The following DCDC1 variants were observed in gnomAD, a reference collection of about 807,000 sequenced individuals.
DCDC1 encodes the protein doublecortin domain-containing protein 1.
DCDC1 carries 200 observed loss-of-function variants against 178.3 expected under a neutral mutation model. The ratio of observed to expected loss-of-function variants is 1.12; its 90% CI spans 1.00 to 1.26. DCDC1 has a LOEUF of 1.26. Among genes scored for constraint, DCDC1 ranks in the 50% most tolerant of loss-of-function variants. The pLI is 0.00. For synonymous variants in DCDC1, 690 were observed against 604.8 expected, an observed-to-expected ratio of 1.14 and a Z score of -2.07; for missense variants, 1,983 against 1,749.2, an observed-to-expected ratio of 1.13 and a Z score of -2.38.
intron 3 of DCDC1, among the ~76,000 whole-genome samples, chr11:31,321,979 CA>C (rs1949388803): frequency 6.6e-6 from 1 of 152,180 alleles, no homozygotes; most frequent in Non-Finnish European, 1.5e-5. Flanking sequence ...TTTAGGATGA[CA>C]AGACACCTAA....
In DCDC1 at chr11:30,881,480, A is replaced by G. The variant is rs1036884052; in HGVS notation, c.5083-172T>C. Among the ~76,000 whole-genome samples the G allele has an allele frequency of 2.6e-5, 4 of 152,334 alleles. No individual in the cohort carries two copies. In the South Asian group the frequency reaches 8.3e-4, roughly 32 times the overall value. Reference sequence around the variant, plus strand: ...GAAGAAGGGCATGCAAATGTTCCCTAAAGTGCTTAAACAGTGAGGAGCTTC... The same window carrying G: ...GAAGAAGGGCATGCAAATGTTCCCTGAAGTGCTTAAACAGTGAGGAGCTTC... On this transcript the variant is annotated intron_variant, in intron 36 of 38. Coordinates refer to ENST00000684477, the MANE Select transcript of DCDC1 (RefSeq NM_001387274.1).
At chr11:31,331,974 C>T (rs990418230) in intron 2 of DCDC1, among the ~76,000 whole-genome samples, 10 of 152,066 alleles carry the variant, frequency 6.6e-5, no homozygotes, top group African/African-American at 2.2e-4. Context: ...CTCCTTGTAC[C>T]TCTGGTAGAA....
chr11:30,959,238 A>T (rs772723553), intron 20 of DCDC1, among the ~76,000 whole-genome samples: 12 of 152,040 alleles, frequency 7.9e-5, no homozygotes, highest in Non-Finnish European at 1.3e-4. Context: ...CTATAACCCC[A>T]ACCCCTTGAG....
intron 8 of DCDC1, among the ~76,000 whole-genome samples, chr11:31,246,467 CT>C (rs1424409356): frequency 0.01 from 1,452 of 142,566 alleles, 14 homozygotes; most frequent in African/African-American, 0.026. Context: ...ATTCAATTGG[CT>C]TTTTTTTTTT....
chr11:31,166,006 A>C (rs1440243972), intron 9 of DCDC1, among the ~76,000 whole-genome samples: 1 of 152,198 alleles, frequency 6.6e-6, no homozygotes, highest in Non-Finnish European at 1.5e-5. Flanking sequence ...AGCAGCCATA[A>C]ATGCAGTTCC....
At chr11:31,189,824 T>C (rs564540490) in intron 9 of DCDC1, among the ~76,000 whole-genome samples, 135 of 152,334 alleles carry the variant, frequency 8.9e-4, no homozygotes, top group Non-Finnish European at 1.6e-3. Flanking sequence ...AGCCTCCTCA[T>C]TTCAAGACCC....
intron 20 of DCDC1, among the ~76,000 whole-genome samples, chr11:30,969,739 T>C (rs1949675161): frequency 6.6e-6 from 1 of 152,238 alleles, no homozygotes; most frequent in African/African-American, 2.4e-5. Flanking sequence ...TTTTTGGAGT[T>C]CATTTTCATT....
At chr11:30,888,447 G>A (rs1420649023) in intron 36 of DCDC1, among the ~76,000 whole-genome samples, 2 of 152,226 alleles carry the variant, frequency 1.3e-5, no homozygotes, top group Non-Finnish European at 2.9e-5. Context: ...GCTGGGCACG[G>A]TGGCTCACGC....
intron 9 of DCDC1, among the ~76,000 whole-genome samples, chr11:31,151,619 CT>C (rs531891544): frequency 8.0e-4 from 122 of 152,242 alleles, no homozygotes; most frequent in African/African-American, 2.9e-3. Flanking sequence ...CTCAGAGGTG[CT>C]GTTAACAGTT....
intron 8 of DCDC1, among the ~76,000 whole-genome samples, chr11:31,257,071 T>C (rs1357275027): frequency 6.6e-6 from 1 of 152,216 alleles, no homozygotes; most frequent in East Asian, 1.9e-4. Flanking sequence ...GCTGCTTTTC[T>C]GTATCTTGAA....
At chr11:31,264,729 T>C (rs1945025677) in intron 8 of DCDC1, among the ~76,000 whole-genome samples, 1 of 152,178 alleles carries the variant, frequency 6.6e-6, no homozygotes, top group Admixed American at 6.5e-5. Context: ...AATTTCTCTA[T>C]TGTCAAATTA....
In DCDC1 at chr11:31,279,172, G is replaced by T. The variant is rs535857970; in HGVS notation, c.960+11475C>A. On this transcript the variant is annotated intron_variant, in intron 7 of 38. Coordinates refer to ENST00000684477, the MANE Select transcript of DCDC1 (RefSeq NM_001387274.1). ...ACTGTATAAGTCTTGCACATATTGT[G>T]TTAAATGAATAGTTAAGTATTTCAT... Among the ~76,000 whole-genome samples, 24 of 152,196 alleles carry T rather than the reference G, an allele frequency of 1.6e-4. 1 individual carries two copies. The highest frequency in any genetic ancestry group is 1.0e-3 in the Admixed American group (16 of 15,270).
intron 15 of DCDC1, among the ~76,000 whole-genome samples, chr11:31,096,739 G>A (rs894181471): frequency 1.7e-4 from 25 of 150,722 alleles, no homozygotes; most frequent in African/African-American, 5.4e-4. Context: ...GTTCTGATAC[G>A]TTTAAAACTG....
chr11:31,245,496 G>C (rs978352950), intron 8 of DCDC1, among the ~76,000 whole-genome samples: 1 of 151,524 alleles, frequency 6.6e-6, no homozygotes, highest in Non-Finnish European at 1.5e-5. Context: ...GAATATACCC[G>C]AATTTCAAAG....
chr11:31,134,875 A>G (rs1212372986), intron 10 of DCDC1, among the ~76,000 whole-genome samples: 1 of 152,202 alleles, frequency 6.6e-6, no homozygotes, highest in Admixed American at 6.5e-5. Context: ...ATATGCCTAA[A>G]GTCCCAGCTA....
At chr11:30,905,202 C>T (rs1184954299) in intron 30 of DCDC1, 38 bp from the exon 31 acceptor site, 1 of 1,542,674 alleles carries the variant, frequency 6.5e-7, no homozygotes, top group East Asian at 2.5e-5. Context: ...TTTACTCAAA[C>T]TTTCTTGTTT....
chr11:31,260,300 T>A (rs1471786207), intron 8 of DCDC1, among the ~76,000 whole-genome samples: 1 of 152,244 alleles, frequency 6.6e-6, no homozygotes, highest in East Asian at 1.9e-4. Flanking sequence ...AAATTTTGGA[T>A]TTTATTTGAA....
chr11:30,913,139 T>G (rs1168397442), intron 27 of DCDC1, among the ~76,000 whole-genome samples: 2 of 152,114 alleles, frequency 1.3e-5, no homozygotes, highest in Non-Finnish European at 2.9e-5. Context: ...CAAAAACTCT[T>G]GGCCGGGCGC....
chr11:31,273,788 A>G (rs1488961549), intron 7 of DCDC1, among the ~76,000 whole-genome samples: 1 of 152,112 alleles, frequency 6.6e-6, no homozygotes, highest in Non-Finnish European at 1.5e-5. Context: ...GCAATTTATA[A>G]AAGAAAGAGG....
Sources: allele counts gnomAD v4.1 joint callset (sites outside exome capture counted in the v4.1 genomes callset), GRCh38; gene constraint gnomAD v4.1.1; transcripts MANE v1.5; gene names NCBI Gene and HGNC (gene_info 2026-07-23, HGNC 2026-07-21).